UNC13C: variants seen among roughly 807,000 people sequenced by gnomAD.
The protein encoded by UNC13C is protein unc-13 homolog C.
UNC13C carries 174 observed loss-of-function variants against 245.4 expected under a neutral mutation model. The ratio of observed to expected loss-of-function variants is 0.71; its 90% confidence interval spans 0.63 to 0.80. The LOEUF is 0.80. Ranked by LOEUF, UNC13C falls within the 30% of genes least tolerant of loss-of-function variation. The pLI is 0.00. For missense variants in UNC13C, 2,829 were observed against 2,602.9 expected (o/e 1.09, Z -1.89); for synonymous variants, 992 against 895.1 (o/e 1.11, Z -1.93).
At chr15:54,357,694 G>A (rs1389199153) in intron 17 of UNC13C, among the ~76,000 whole-genome samples, 1 of 151,962 alleles carries the variant, frequency 6.6e-6, no homozygotes, top group Non-Finnish European at 1.5e-5. Flanking sequence ...AGTAATCTGG[G>A]GAGATAATTA....
intron 2 of UNC13C, among the ~76,000 whole-genome samples, chr15:54,071,691 A>C (rs1479167891): frequency 2.0e-5 from 3 of 152,206 alleles, no homozygotes; most frequent in Admixed American, 2.0e-4. Flanking sequence ...ATTTCATGAC[A>C]TATGAAAATT....
chr15:54,248,750 C>T (rs2036064234), intron 7 of UNC13C, among the ~76,000 whole-genome samples: 1 of 152,116 alleles, frequency 6.6e-6, no homozygotes, highest in Admixed American at 6.6e-5. Context: ...CTGGATTGTC[C>T]AGCCCCTTAT....
chr15:54,153,296 T>C (rs2141253834), intron 4 of UNC13C, among the ~76,000 whole-genome samples: 1 of 150,370 alleles, frequency 6.7e-6, no homozygotes, highest in South Asian at 2.2e-4. Context: ...CATTTAAAAA[T>C]GGTATATCTC....
chr15:54,049,108 C>A, intron 2 of UNC13C: 1 of 369,054 alleles, frequency 2.7e-6, no homozygotes. Context: ...CCTTTTTGAT[C>A]CAGAGCAATT....
chr15:54,101,529 G>C (rs146042139), intron 2 of UNC13C, among the ~76,000 whole-genome samples: 50 of 152,042 alleles, frequency 3.3e-4, no homozygotes, highest in African/African-American at 1.1e-3. Context: ...AGTTACTTCA[G>C]GTCAAGTGTT....
intron 2 of UNC13C, among the ~76,000 whole-genome samples, chr15:54,017,484 A>ATGTG (rs3985786): frequency 0.05 from 7,375 of 147,548 alleles, 233 homozygotes; most frequent in Admixed American, 0.07. Context: ...GTGCATGAGC[A>ATGTG]TGTGTGTGTG....
intron 1 of UNC13C, among the ~76,000 whole-genome samples, chr15:53,993,401 G>A (rs1894478199): frequency 6.6e-6 from 1 of 152,120 alleles, no homozygotes; most frequent in Admixed American, 6.5e-5. Flanking sequence ...CTCTCAGGGA[G>A]TGAGTCAACT....
intron 19 of UNC13C, among the ~76,000 whole-genome samples, chr15:54,458,879 A>T (rs918981435): frequency 4.6e-5 from 7 of 151,766 alleles, no homozygotes; most frequent in African/African-American, 1.7e-4. Flanking sequence ...TTAGTGGAGC[A>T]TTTAGGCCAT....
chr15:54,345,910 C>T (rs1255772895), intron 17 of UNC13C, among the ~76,000 whole-genome samples: 1 of 152,286 alleles, frequency 6.6e-6, no homozygotes, highest in African/African-American at 2.4e-5. Flanking sequence ...ACTTTGCCTG[C>T]CTTATATTTA....
At chr15:54,278,050 T>C (rs2036880023) in intron 10 of UNC13C, among the ~76,000 whole-genome samples, 2 of 152,050 alleles carry the variant, frequency 1.3e-5, no homozygotes, top group African/African-American at 4.8e-5. Context: ...GGCATGCAAC[T>C]CAAAAATAAC....
At chr15:54,406,788 C>T (rs1183847229) in intron 18 of UNC13C, among the ~76,000 whole-genome samples, 1 of 152,128 alleles carries the variant, frequency 6.6e-6, no homozygotes, top group Non-Finnish European at 1.5e-5. Flanking sequence ...TCATTCACAA[C>T]TATTTAATCA....
intron 2 of UNC13C, among the ~76,000 whole-genome samples, chr15:54,044,207 A>T (rs1227498512): frequency 5.9e-5 from 9 of 152,180 alleles, no homozygotes; most frequent in Non-Finnish European, 1.0e-4. Context: ...TCTTTTACAT[A>T]TTATAATGTT....
intron 2 of UNC13C, among the ~76,000 whole-genome samples, chr15:54,054,858 A>G (rs1168463573): frequency 6.6e-6 from 1 of 152,082 alleles, no homozygotes; most frequent in Non-Finnish European, 1.5e-5. Flanking sequence ...AAGGCTAGGC[A>G]AAAATGGAGT....
chr15:54,586,721 C>T (rs562376371), intron 30 of UNC13C, among the ~76,000 whole-genome samples: 1 of 152,204 alleles, frequency 6.6e-6, no homozygotes. Context: ...TCCTTGTCAT[C>T]ATGCAGATGC....
intron 16 of UNC13C, among the ~76,000 whole-genome samples, chr15:54,334,754 A>G (rs189764661): frequency 1.3e-5 from 2 of 152,266 alleles, no homozygotes; most frequent in East Asian, 3.9e-4. Context: ...AGCTACTGGA[A>G]CAATGTGCAG....
At chr15:53,865,311 A>C in the UNC13C span, among the ~76,000 whole-genome samples, 1 of 152,164 alleles carries the variant, frequency 6.6e-6, no homozygotes, top group Non-Finnish European at 1.5e-5. Context: ...AGGGAGGCTT[A>C]AGCAGCTGAA....
intron 18 of UNC13C, among the ~76,000 whole-genome samples, chr15:54,410,767 G>C (rs1047269423): frequency 2.6e-5 from 4 of 152,028 alleles, no homozygotes; most frequent in African/African-American, 9.7e-5. Flanking sequence ...CAGCCTTGTA[G>C]TATAATTTGA....
chr15:54,008,466 G>T (rs990821996), intron 1 of UNC13C, among the ~76,000 whole-genome samples: 2 of 152,096 alleles, frequency 1.3e-5, no homozygotes, highest in South Asian at 4.1e-4. Flanking sequence ...TCCTATAACC[G>T]CATAGTCTAT....
upstream of UNC13C, among the ~76,000 whole-genome samples, chr15:53,976,322 A>G (rs925901313): frequency 6.6e-6 from 1 of 152,130 alleles, no homozygotes; most frequent in Non-Finnish European, 1.5e-5. Context: ...TTCATGAAAC[A>G]TTATTTCTTC....
Sources: gnomAD v4.1 joint callset for allele counts (sites outside exome capture counted in the v4.1 genomes callset) on GRCh38, gnomAD v4.1.1 for gene constraint, MANE v1.5 for transcripts, NCBI Gene and HGNC (gene_info 2026-07-23, HGNC 2026-07-21) for gene names.